CSMD1: variants seen among roughly 807,000 people sequenced by gnomAD.
CSMD1 encodes the protein CUB and Sushi multiple domains 1, also known as CUB and sushi domain-containing protein 1.
In CSMD1, 213 loss-of-function variants were observed where a neutral mutation model predicts 417.5. That is an observed-to-expected ratio of 0.51 (90% CI 0.46 to 0.57). CSMD1 has a LOEUF of 0.57. Among genes scored for constraint, CSMD1 ranks in the 20% least tolerant of loss-of-function variants. CSMD1 has a pLI of 0.00. For synonymous variants in CSMD1, 2,862 were observed against 1,736.8 expected (o/e 1.65, Z -16.11); for missense variants, 6,923 against 4,529.7 (o/e 1.53, Z -15.17).
At chr8:3,212,866 G>C (rs1020519260) in intron 30 of CSMD1, among the ~76,000 whole-genome samples, 1 of 116,382 alleles carries the variant, frequency 8.6e-6, no homozygotes, top group African/African-American at 3.5e-5. Flanking sequence ...TTTCACTCTT[G>C]TTGCCCAAGC....
At chr8:3,622,746 A>T (rs1419211131) in intron 7 of CSMD1, among the ~76,000 whole-genome samples, 6 of 151,892 alleles carry the variant, frequency 4.0e-5, no homozygotes, top group Non-Finnish European at 7.4e-5. Flanking sequence ...ATGCTGACAC[A>T]CTGTATGTGC....
chr8:4,883,088 G>C (rs570645636), intron 1 of CSMD1, among the ~76,000 whole-genome samples: 6 of 152,154 alleles, frequency 3.9e-5, no homozygotes, highest in South Asian at 2.1e-4. Flanking sequence ...AGAAAATCTG[G>C]AGTCCTCTAC....
At chr8:3,184,458 G>C (rs1821622235) in intron 36 of CSMD1, among the ~76,000 whole-genome samples, 1 of 152,166 alleles carries the variant, frequency 6.6e-6, no homozygotes, top group South Asian at 2.1e-4. Flanking sequence ...AAATATGACT[G>C]TGACAGCTTT....
intron 49 of CSMD1, among the ~76,000 whole-genome samples, chr8:3,065,547 T>C (rs1010332622): frequency 6.6e-6 from 1 of 151,900 alleles, no homozygotes; most frequent in African/African-American, 2.4e-5. Flanking sequence ...TGGATAGTTA[T>C]ATAGAAAGGA....
intron 7 of CSMD1, among the ~76,000 whole-genome samples, chr8:3,700,938 T>C (rs1483102229): frequency 6.6e-6 from 1 of 151,846 alleles, no homozygotes; most frequent in African/African-American, 2.4e-5. Context: ...GGGTGGGACT[T>C]TGTCAGGGCA....
chr8:4,601,544 G>A (rs912821708), intron 2 of CSMD1, among the ~76,000 whole-genome samples: 28 of 152,278 alleles, frequency 1.8e-4, no homozygotes, highest in African/African-American at 6.3e-4. Context: ...TGGTCATACA[G>A]ATGATAAAAG....
chr8:4,209,154 G>A (rs1017507398), intron 3 of CSMD1, among the ~76,000 whole-genome samples: 1 of 152,094 alleles, frequency 6.6e-6, no homozygotes, highest in Non-Finnish European at 1.5e-5. Flanking sequence ...ACCAAAATCT[G>A]CCCTAGAGCC....
intron 10 of CSMD1, among the ~76,000 whole-genome samples, chr8:3,500,436 G>T (rs920032954): frequency 6.6e-6 from 1 of 152,118 alleles, no homozygotes; most frequent in Non-Finnish European, 1.5e-5. Flanking sequence ...ACACAGAAAT[G>T]GGGGTCCCTA....
At chr8:3,959,062 C>T (rs1028397704) in intron 5 of CSMD1, among the ~76,000 whole-genome samples, 12 of 152,176 alleles carry the variant, frequency 7.9e-5, no homozygotes, top group African/African-American at 2.9e-4. Flanking sequence ...TCCCCAGCAC[C>T]ATGTTTCTCA....
At chr8:3,500,822 G>T (rs1392510949) in intron 10 of CSMD1, among the ~76,000 whole-genome samples, 1 of 152,172 alleles carries the variant, frequency 6.6e-6, no homozygotes, top group Non-Finnish European at 1.5e-5. Context: ...TTGGCAGAAT[G>T]GGATGTGAGG....
chr8:4,250,556 G>C (rs918314432), intron 3 of CSMD1, among the ~76,000 whole-genome samples: 11 of 152,104 alleles, frequency 7.2e-5, no homozygotes, highest in African/African-American at 2.4e-4. Context: ...AGTTTAGAAT[G>C]GAAAGCTAAT....
intron 3 of CSMD1, among the ~76,000 whole-genome samples, chr8:4,406,663 G>C (rs985301105): frequency 6.6e-6 from 1 of 152,120 alleles, no homozygotes; most frequent in Non-Finnish European, 1.5e-5. Flanking sequence ...CACTCCTCCT[G>C]GCCATGCCTT....
At chr8:4,027,179 T>G (rs1350690854) in intron 4 of CSMD1, among the ~76,000 whole-genome samples, 4 of 152,088 alleles carry the variant, frequency 2.6e-5, no homozygotes, top group Non-Finnish European at 4.4e-5. Context: ...TACGACGAGG[T>G]AAGAAGCATA....
intron 26 of CSMD1, among the ~76,000 whole-genome samples, chr8:3,236,074 C>T (rs922474743): frequency 2.0e-5 from 3 of 151,786 alleles, no homozygotes; most frequent in African/African-American, 7.3e-5. Flanking sequence ...CCTACCACCA[C>T]ACCAGGCTAA....
At chr8:4,051,607 G>A (rs1014109214) in intron 3 of CSMD1, among the ~76,000 whole-genome samples, 2 of 152,240 alleles carry the variant, frequency 1.3e-5, no homozygotes, top group Admixed American at 6.5e-5. Flanking sequence ...GTGCACAGCG[G>A]GGCTTGTAGG....
chr8:4,294,866 C>G (rs952441182), intron 3 of CSMD1, among the ~76,000 whole-genome samples: 8 of 151,722 alleles, frequency 5.3e-5, no homozygotes, highest in African/African-American at 1.7e-4. Context: ...AAAACTTTGT[C>G]TTTGCCCTTT....
chr8:4,001,334 C>G (rs1332361741), intron 4 of CSMD1, among the ~76,000 whole-genome samples: 1 of 152,144 alleles, frequency 6.6e-6, no homozygotes, highest in Non-Finnish European at 1.5e-5. Flanking sequence ...AGGACAGAGT[C>G]CAGGGCCCCC....
chr8:3,970,815 C>T (rs112328837), intron 5 of CSMD1, among the ~76,000 whole-genome samples: 4 of 152,098 alleles, frequency 2.6e-5, no homozygotes, highest in African/African-American at 9.6e-5. Context: ...TCCAGGGGCA[C>T]CATCTGTCTC....
intron 37 of CSMD1, among the ~76,000 whole-genome samples, chr8:3,166,138 A>G (rs1376269120): frequency 6.6e-6 from 1 of 152,154 alleles, no homozygotes; most frequent in African/African-American, 2.4e-5. Flanking sequence ...TTGAGTCTAT[A>G]CATGTATACA....
Sources: allele counts gnomAD v4.1 joint callset (sites outside exome capture counted in the v4.1 genomes callset), GRCh38; gene constraint gnomAD v4.1.1; transcripts MANE v1.5; gene names NCBI Gene and HGNC (gene_info 2026-07-23, HGNC 2026-07-21).